CLOCK: variants seen among roughly 807,000 people sequenced by gnomAD.
The protein encoded by CLOCK is clock circadian regulator.
Under a neutral mutation model 118.4 loss-of-function variants are expected in CLOCK, and 43 were observed. The ratio of observed to expected loss-of-function variants is 0.36; its 90% CI spans 0.28 to 0.47. The LOEUF is 0.47. Among genes scored for constraint, CLOCK ranks in the 20% least tolerant of loss-of-function variants. CLOCK has a pLI of 1.00. For synonymous variants in CLOCK, 326 were observed against 339.2 expected (o/e 0.96, Z 0.43); for missense variants, 846 against 999.9 (o/e 0.85, Z 2.08).
At chr4:55,530,083 G>T (rs534692953) in intron 1 of CLOCK, among the ~76,000 whole-genome samples, 1 of 145,764 alleles carries the variant, frequency 6.9e-6, no homozygotes, top group African/African-American at 2.5e-5. Context: ...AATAATAAAA[G>T]AACATTTTCC....
At chr4:55,461,089 C>T (rs1725310321) in intron 9 of CLOCK, among the ~76,000 whole-genome samples, 1 of 151,998 alleles carries the variant, frequency 6.6e-6, no homozygotes, top group Non-Finnish European at 1.5e-5. Context: ...CCCCAGCCAA[C>T]TTTTCTATTT....
At chr4:55,444,914 T>G in intron 18 of CLOCK, 129 bp from the exon 19 acceptor site, 1 of 945,942 alleles carries the variant, frequency 1.1e-6, no homozygotes, top group Non-Finnish European at 1.6e-6. Flanking sequence ...GTTATGTCCC[T>G]TAGTTTCTAA....
At chr4:55,491,123 C>G (rs998924210) in intron 2 of CLOCK, among the ~76,000 whole-genome samples, 1 of 148,270 alleles carries the variant, frequency 6.7e-6, no homozygotes, top group Non-Finnish European at 1.5e-5. Context: ...TTGAGACAAA[C>G]GAAAACACAA....
chr4:55,514,649 A>G (rs1388167401), intron 1 of CLOCK, among the ~76,000 whole-genome samples: 1 of 152,124 alleles, frequency 6.6e-6, no homozygotes, highest in African/African-American at 2.4e-5. Context: ...TTTTTTAAAC[A>G]TCTATTGATA....
intron 1 of CLOCK, among the ~76,000 whole-genome samples, chr4:55,535,223 A>T (rs1730816628): frequency 1.3e-5 from 1 of 78,688 alleles, no homozygotes; most frequent in South Asian, 3.1e-4. Context: ...TATGGTGATT[A>T]CAAGAATGTT....
chr4:55,441,485 G>C (rs1723364587), intron 21 of CLOCK, among the ~76,000 whole-genome samples: 1 of 152,104 alleles, frequency 6.6e-6, no homozygotes, highest in African/African-American at 2.4e-5. Context: ...CAACCTAAGT[G>C]CCCATCAACC....
intron 20 of CLOCK, among the ~76,000 whole-genome samples, chr4:55,443,269 G>A (rs1274185745): frequency 6.6e-6 from 1 of 152,074 alleles, no homozygotes; most frequent in Non-Finnish European, 1.5e-5. Flanking sequence ...GAGGTCAGGA[G>A]TTTGAGATCA....
intron 1 of CLOCK, among the ~76,000 whole-genome samples, chr4:55,525,968 A>C (rs1431243547): frequency 3.3e-5 from 5 of 152,166 alleles, no homozygotes; most frequent in African/African-American, 1.2e-4. Context: ...TAATACAAAA[A>C]TCCAGAATCT....
At chr4:55,458,846 G>A in intron 11 of CLOCK, 46 bp downstream of exon 11, 1 of 1,354,818 alleles carries the variant, frequency 7.4e-7, no homozygotes, top group Non-Finnish European at 1.1e-6. Flanking sequence ...GCAGCTCTCA[G>A]CATATGAACT....
intron 1 of CLOCK, among the ~76,000 whole-genome samples, chr4:55,531,072 AAGAC>A (rs970328359): frequency 8.5e-5 from 13 of 152,268 alleles, no homozygotes; most frequent in Non-Finnish European, 1.3e-4. Context: ...TAAAGAAAAA[AAGAC>A]AATTACAAAC....
chr4:55,504,283 C>CAAAAAAAAAAAAAAAAA (rs35414558), intron 2 of CLOCK, among the ~76,000 whole-genome samples: 1 of 51,950 alleles, frequency 1.9e-5, no homozygotes, highest in African/African-American at 7.1e-5. Context: ...GAGACTCCAT[C>CAAAAAAAAAAAAAAAAA]AAAAAAAAAA....
intron 2 of CLOCK, among the ~76,000 whole-genome samples, chr4:55,507,972 G>T (rs1293954998): frequency 6.6e-6 from 1 of 152,146 alleles, no homozygotes; most frequent in Admixed American, 6.5e-5. Flanking sequence ...ATTTGGAAAT[G>T]AAGCAATTAG....
rs556715429 is a variant in CLOCK, at chr4:55,443,782, G to A, written c.1807C>T (p.Pro603Ser). ...ATTCCACTTTGAATCTGGTTAGTAG[G>A]AACAACTTGGCCTTGCATATTTATA... Reference protein sequence around the residue: ...APINMQGQVVPTNQIQSGMNT... With the variant: ...APINMQGQVVSTNQIQSGMNT... The change falls in exon 20 of 23, where the codon CCT (proline) becomes TCT (serine). Residue 603 changes from proline (P) to serine (S), a missense_variant. Physicochemically the swap from Pro to Ser is moderately conservative, Grantham distance 74. This residue lies in a region of CLOCK where 520 missense variants were observed against 558.0 expected (regional missense o/e 0.93). Transcript: ENST00000513440. 6.2e-6 allele frequency: 10 copies of A among 1,613,914 alleles called. No individual in the cohort carries two copies. Among genetic ancestry groups the A allele is most frequent in the Non-Finnish European group, 8.5e-6 (10 of 1,179,940 alleles).
At chr4:55,475,236 G>A (rs779974767) in intron 7 of CLOCK, among the ~76,000 whole-genome samples, 46 of 152,312 alleles carry the variant, frequency 3.0e-4, no homozygotes, top group East Asian at 3.9e-4. Flanking sequence ...TGGTAGAAAC[G>A]GCAAGAGAAT....
chr4:55,476,772 A>G (rs1290365266), intron 6 of CLOCK, among the ~76,000 whole-genome samples: 2 of 152,160 alleles, frequency 1.3e-5, no homozygotes, highest in African/African-American at 4.8e-5. Flanking sequence ...AAAGCTATTC[A>G]TAAATGATGA....
chr4:55,455,751 T>G, intron 13 of CLOCK, 146 bp downstream of exon 13: 1 of 641,790 alleles, frequency 1.6e-6, no homozygotes, highest in Non-Finnish European at 2.8e-6. Flanking sequence ...CCTACTACAT[T>G]GGTTATATAC....
At chr4:55,478,182 T>C (rs1248409910) in intron 6 of CLOCK, among the ~76,000 whole-genome samples, 1 of 152,118 alleles carries the variant, frequency 6.6e-6, no homozygotes. Context: ...AAATACTTAA[T>C]ATTCTTTAAA....
intron 1 of CLOCK, among the ~76,000 whole-genome samples, chr4:55,523,369 A>C (rs933153272): frequency 6.6e-6 from 1 of 152,206 alleles, no homozygotes; most frequent in Non-Finnish European, 1.5e-5. Context: ...AAGAGTAGCT[A>C]GAGTATCAAG....
At chr4:55,522,708 G>GT (rs1457076773) in intron 1 of CLOCK, among the ~76,000 whole-genome samples, 1 of 151,810 alleles carries the variant, frequency 6.6e-6, no homozygotes, top group African/African-American at 2.4e-5. Context: ...CCATATATAT[G>GT]TATGTATTTG....
Sources: allele counts gnomAD v4.1 joint callset (sites outside exome capture counted in the v4.1 genomes callset), GRCh38; gene constraint gnomAD v4.1.1; regional missense constraint gnomAD v4.1.1; transcripts MANE v1.5; gene names NCBI Gene and HGNC (gene_info 2026-07-23, HGNC 2026-07-21).